The following MSL2 variants were observed in gnomAD, a reference collection of about 807,000 sequenced individuals.
MSL2 encodes the protein MSL complex subunit 2.
MSL2 carries 2 observed loss-of-function variants against 35.8 expected under a neutral mutation model. The ratio of observed to expected loss-of-function variants is 0.06; its 90% CI spans 0.02 to 0.18. The LOEUF (loss-of-function observed/expected upper bound fraction) is 0.18, where lower values mean the gene tolerates loss of function less well. Ranked by LOEUF, MSL2 falls within the 10% of genes least tolerant of loss-of-function variation. The pLI, the probability that MSL2 is intolerant of heterozygous loss-of-function variation, is 1.00. For missense variants in MSL2, 523 were observed against 706.7 expected, an observed-to-expected ratio of 0.74 and a Z score of 2.95; for synonymous variants, 296 against 255.7, an observed-to-expected ratio of 1.16 and a Z score of -1.50.
chr3:136,152,807 A>C (rs1400666986), intron 1 of MSL2, 69 bp from the exon 2 acceptor site: 5 of 1,549,098 alleles, frequency 3.2e-6, no homozygotes, highest in Non-Finnish European at 4.4e-6. Flanking sequence ...ACTGAAGTTT[A>C]GATGACATAA....
At position 136,149,796 on chromosome 3, in the gene MSL2, A is replaced by G. The variant is rs1033423869; in HGVS notation, c.*1351T>C. On this transcript the variant is annotated 3_prime_UTR_variant, in exon 2 of 2. Coordinates refer to ENST00000309993, the MANE Select transcript of MSL2 (RefSeq NM_018133.4). Reference sequence around the variant, plus strand: ...CCAAATCAAAACATAACTTCAGCATATGTCAGATCTTACTAGAGATGGTGA... The same window carrying G: ...CCAAATCAAAACATAACTTCAGCATGTGTCAGATCTTACTAGAGATGGTGA... 3.3e-5 allele frequency: 5 copies of G among 152,248 alleles called. No individual in the cohort carries two copies. Among genetic ancestry groups the G allele is most frequent in the Non-Finnish European group, 7.3e-5 (5 of 68,034 alleles). 9.4% of individuals were successfully genotyped at this position (152,248 alleles called of 1,614,324 possible).
intron 1 of MSL2, among the ~76,000 whole-genome samples, chr3:136,189,135 A>AAAAAACAC (rs746820441): frequency 2.5e-5 from 3 of 121,698 alleles, no homozygotes; most frequent in African/African-American, 7.9e-5. Context: ...AAAAAAAAAA[A>AAAAAACAC]ACACACACAC....
intron 1 of MSL2, among the ~76,000 whole-genome samples, chr3:136,177,940 G>A (rs936166122): frequency 1.3e-5 from 2 of 152,006 alleles, no homozygotes; most frequent in African/African-American, 2.4e-5. Context: ...GTTAAACTTC[G>A]GAGTTTTTTT....
In MSL2 at chr3:136,150,005, G is replaced by A. The variant is rs575791877; in HGVS notation, c.*1142C>T. On this transcript the variant is annotated 3_prime_UTR_variant, in exon 2 of 2. Transcript: ENST00000309993. ...TCAACAGAATGTTTGTGACTCACTT[G>A]TCTTCCCCATAAAAATTAACCGGAA... 4 of 152,708 alleles carry A rather than the reference G, an allele frequency of 2.6e-5. No homozygotes were observed. In the South Asian group the frequency reaches 8.3e-4, roughly 32 times the overall value. The allele number at this position is 152,708 out of a possible 1,614,324, so 9.5% of individuals were successfully genotyped here.
chr3:136,183,897 T>G (rs1007104484), intron 1 of MSL2, among the ~76,000 whole-genome samples: 6 of 152,206 alleles, frequency 3.9e-5, no homozygotes, highest in African/African-American at 1.2e-4. Flanking sequence ...CCAGAAATAT[T>G]GTGAATCAAC....
chr3:136,166,880 T>C (rs1219129975), intron 1 of MSL2, among the ~76,000 whole-genome samples: 1 of 152,200 alleles, frequency 6.6e-6, no homozygotes, highest in Non-Finnish European at 1.5e-5. Context: ...AAAATACTAC[T>C]GGTAAAGGCA....
chr3:136,161,689 G>C (rs1939711009), intron 1 of MSL2, among the ~76,000 whole-genome samples: 1 of 152,182 alleles, frequency 6.6e-6, no homozygotes. Flanking sequence ...GCCTAGGGCT[G>C]AGAGTGGAGC....
chr3:136,192,485 C>T (rs1940718426), intron 1 of MSL2, among the ~76,000 whole-genome samples: 2 of 151,952 alleles, frequency 1.3e-5, no homozygotes, highest in South Asian at 4.1e-4. Flanking sequence ...CTTTTTGCTG[C>T]AGTGAGCAAG....
chr3:136,165,304 C>T (rs1184350364), intron 1 of MSL2, among the ~76,000 whole-genome samples: 2 of 151,088 alleles, frequency 1.3e-5, no homozygotes, highest in Non-Finnish European at 2.9e-5. Context: ...TATAACTAAA[C>T]GAATGATATT....
intron 1 of MSL2, chr3:136,153,110 T>C: frequency 1.1e-6 from 1 of 951,140 alleles, no homozygotes; most frequent in Non-Finnish European, 1.3e-6. Context: ...TGTGGTGGTG[T>C]GTGCCTGTAA....
chr3:136,174,273 A>G (rs890264961), intron 1 of MSL2, among the ~76,000 whole-genome samples: 1 of 152,212 alleles, frequency 6.6e-6, no homozygotes, highest in Non-Finnish European at 1.5e-5. Flanking sequence ...CTGTGACCTC[A>G]TTTTAACCAA....
intron 1 of MSL2, among the ~76,000 whole-genome samples, chr3:136,189,469 A>G (rs2108096136): frequency 6.7e-6 from 1 of 148,816 alleles, no homozygotes; most frequent in East Asian, 2.0e-4. Context: ...TCACACCTGT[A>G]ATCTCAGCAC....
chr3:136,172,273 G>A (rs924357116), intron 1 of MSL2, among the ~76,000 whole-genome samples: 1 of 150,856 alleles, frequency 6.6e-6, no homozygotes, highest in Non-Finnish European at 1.5e-5. Context: ...CTCACTCCCC[G>A]ACAACACATA....
At chr3:136,175,620 G>C (rs533585397) in intron 1 of MSL2, among the ~76,000 whole-genome samples, 1 of 152,094 alleles carries the variant, frequency 6.6e-6, no homozygotes, top group Non-Finnish European at 1.5e-5. Context: ...CCAGGAGTTC[G>C]AGGCTGCAAG....
At chr3:136,186,812 A>C in intron 1 of MSL2, among the ~76,000 whole-genome samples, 1 of 152,196 alleles carries the variant, frequency 6.6e-6, no homozygotes. Context: ...AATGTGCTTG[A>C]ATCATCCTGA....
intron 1 of MSL2, among the ~76,000 whole-genome samples, chr3:136,157,688 A>G (rs1303178776): frequency 6.6e-6 from 1 of 152,188 alleles, no homozygotes; most frequent in Admixed American, 6.5e-5. Context: ...GCCCTACAAA[A>G]TGTGAAGAAT....
intron 1 of MSL2, among the ~76,000 whole-genome samples, chr3:136,192,956 G>A (rs1467370793): frequency 6.6e-6 from 1 of 152,058 alleles, no homozygotes. Flanking sequence ...AAAGAGATGG[G>A]AGGAAAAAAA....
At chr3:136,188,550 G>T (rs1940586818) in intron 1 of MSL2, among the ~76,000 whole-genome samples, 1 of 151,552 alleles carries the variant, frequency 6.6e-6, no homozygotes, top group Admixed American at 6.6e-5. Flanking sequence ...AGGAATTCAA[G>T]ACCAGCCTGG....
At chr3:136,193,074 T>C (rs1017790536) in intron 1 of MSL2, among the ~76,000 whole-genome samples, 5 of 152,166 alleles carry the variant, frequency 3.3e-5, no homozygotes, top group Non-Finnish European at 5.9e-5. Context: ...GAAAGCCCTG[T>C]CAGAAAAATT....
Sources: allele counts gnomAD v4.1 joint callset (sites outside exome capture counted in the v4.1 genomes callset), GRCh38; gene constraint gnomAD v4.1.1; transcripts MANE v1.5; gene names NCBI Gene and HGNC (gene_info 2026-07-23, HGNC 2026-07-21).